Variants in CNTNAP2 observed in about 807,000 individuals in gnomAD.
CNTNAP2 encodes the protein contactin associated protein 2.
CNTNAP2 carries 98 observed loss-of-function variants against 155.2 expected under a neutral mutation model. The observed-to-expected ratio is 0.63, with a 90% CI of 0.54 to 0.75. The LOEUF is 0.75. CNTNAP2 is among the 30% of genes least tolerant of loss of function. The probability of loss-of-function intolerance (pLI) is 0.00; values close to 1 mark genes in which losing one functional copy is unlikely to be tolerated. For missense variants in CNTNAP2, 1,727 were observed against 1,688.1 expected, an observed-to-expected ratio of 1.02 and a Z score of -0.40; for synonymous variants, 651 against 631.2, an observed-to-expected ratio of 1.03 and a Z score of -0.47.
chr7:148,109,113 A>G (rs1295788021), intron 15 of CNTNAP2, among the ~76,000 whole-genome samples: 2 of 152,180 alleles, frequency 1.3e-5, no homozygotes, highest in Non-Finnish European at 2.9e-5. Context: ...AAGCCCTTGC[A>G]CAGGCTGACT....
At chr7:146,344,946 A>G (rs1794797390) in intron 1 of CNTNAP2, among the ~76,000 whole-genome samples, 1 of 152,226 alleles carries the variant, frequency 6.6e-6, no homozygotes, top group Admixed American at 6.5e-5. Context: ...TAAGTTGAGA[A>G]AGAGCTGTTG....
At position 148,064,890 on chromosome 7, in the gene CNTNAP2, G is replaced by A. The variant is rs560029097; in HGVS notation, c.2384-53228G>A. Among the ~76,000 whole-genome samples, 4 of 152,096 alleles carry A rather than the reference G, an allele frequency of 2.6e-5. No individual in the cohort carries two copies. The East Asian group carries it at 7.7e-4, about 29-fold the overall frequency. On this transcript the variant is annotated intron_variant, in intron 15 of 23. Coordinates refer to ENST00000361727, the MANE Select transcript of CNTNAP2 (RefSeq NM_014141.6). ...CTTGAGGTTTTACCTTACATTGTCTGTTTGGGCTCTTTCAGACTTTTTGAT... is the reference window on the plus strand; with the variant it reads ...CTTGAGGTTTTACCTTACATTGTCTATTTGGGCTCTTTCAGACTTTTTGAT...
rs79144204 is a variant in CNTNAP2 at position 146,761,329 on chromosome 7, G to A, written c.98-12942G>A. ...AGGAAGGAAGGAAGGAAGGAAGGAA[G>A]GAAGGAAAATAGGAAAGTGTGTTCC... On this transcript the variant is annotated intron_variant, in intron 1 of 23. Transcript: ENST00000361727. Among the ~76,000 whole-genome samples the A allele has an allele frequency of 1.1e-3, 157 of 140,836 alleles. 1 individual carries two copies. Among genetic ancestry groups the A allele is most frequent in the Non-Finnish European group, 1.5e-3 (96 of 65,144 alleles). 92.4% of individuals were successfully genotyped at this position (140,836 alleles called of 152,430 possible). A position where few individuals can be genotyped will look rare whatever the true frequency, so the allele number is the denominator to read the frequency against.
At position 147,457,724 on chromosome 7, in the gene CNTNAP2, AATTAT is replaced by A. The variant is rs149229158; in HGVS notation, c.1671-28207_1671-28203del. On this transcript the variant is annotated intron_variant, in intron 10 of 23. Transcript: ENST00000361727. ...AAACAGTATTCTACAAAGTTCTTAC[AATTAT>A]ATTTTATTTTGTAATCAAGACAATT... 8.3e-4 allele frequency among the ~76,000 whole-genome samples: 127 copies of A among 152,312 alleles called. 1 individual carries two copies. Among genetic ancestry groups the A allele is most frequent in the Admixed American group, 4.3e-3 (65 of 15,292 alleles).
chr7:147,405,770 A>G (rs1482424470), intron 10 of CNTNAP2, among the ~76,000 whole-genome samples: 2 of 152,212 alleles, frequency 1.3e-5, no homozygotes, highest in African/African-American at 4.8e-5. Context: ...ACATTTGCAG[A>G]GATTCATAAA....
At chr7:146,123,003 T>C (rs1217057222) in intron 1 of CNTNAP2, among the ~76,000 whole-genome samples, 1 of 152,232 alleles carries the variant, frequency 6.6e-6, no homozygotes, top group Non-Finnish European at 1.5e-5. Flanking sequence ...AACTCTTCTT[T>C]AGTTCACTTT....
intron 21 of CNTNAP2, among the ~76,000 whole-genome samples, chr7:148,268,125 T>C (rs777386282): frequency 1.1e-3 from 169 of 152,084 alleles, no homozygotes; most frequent in Non-Finnish European, 2.0e-3. Flanking sequence ...ATCGATATGA[T>C]TGGTGAAGTA....
At chr7:147,412,261 T>A (rs1797115896) in intron 10 of CNTNAP2, among the ~76,000 whole-genome samples, 1 of 152,126 alleles carries the variant, frequency 6.6e-6, no homozygotes, top group African/African-American at 2.4e-5. Context: ...CTCTCCTCCA[T>A]CCCCTCTAGC....
chr7:148,219,723 T>C (rs1795709820), intron 19 of CNTNAP2, among the ~76,000 whole-genome samples: 2 of 152,040 alleles, frequency 1.3e-5, no homozygotes, highest in African/African-American at 4.8e-5. Flanking sequence ...TGGTCCTAGC[T>C]ACTAGAAGGC....
intron 9 of CNTNAP2, among the ~76,000 whole-genome samples, chr7:147,362,487 C>A (rs1228591049): frequency 1.3e-5 from 2 of 152,292 alleles, no homozygotes; most frequent in African/African-American, 4.8e-5. Flanking sequence ...AATGTCACTT[C>A]CACCATGATC....
intron 1 of CNTNAP2, among the ~76,000 whole-genome samples, chr7:146,708,007 G>A (rs994152389): frequency 8.6e-5 from 13 of 152,036 alleles, no homozygotes; most frequent in Admixed American, 5.9e-4. Context: ...TCTGTTACAT[G>A]AGTGATGGGT....
intron 8 of CNTNAP2, among the ~76,000 whole-genome samples, chr7:147,183,453 C>T (rs758984452): frequency 1.2e-4 from 18 of 152,118 alleles, no homozygotes; most frequent in Admixed American, 2.6e-4. Context: ...TACACCATCT[C>T]GTCCAACCAC....
At chr7:147,750,674 T>C (rs1037665853) in intron 13 of CNTNAP2, among the ~76,000 whole-genome samples, 6 of 152,224 alleles carry the variant, frequency 3.9e-5, no homozygotes, top group Non-Finnish European at 8.8e-5. Flanking sequence ...TTTGTTCAAG[T>C]GCCTGCTATC....
chr7:147,822,814 C>T (rs1240743246), intron 13 of CNTNAP2, among the ~76,000 whole-genome samples: 1 of 152,068 alleles, frequency 6.6e-6, no homozygotes, highest in Non-Finnish European at 1.5e-5. Context: ...ATATGGCTGC[C>T]GTTTAAGGTG....
At chr7:147,532,833 A>G (rs1799466887) in intron 11 of CNTNAP2, among the ~76,000 whole-genome samples, 1 of 152,184 alleles carries the variant, frequency 6.6e-6, no homozygotes, top group Non-Finnish European at 1.5e-5. Context: ...ACAAGAATAG[A>G]GTGGGAAAGA....
chr7:146,410,100 T>C (rs1795845296), intron 1 of CNTNAP2, among the ~76,000 whole-genome samples: 1 of 152,230 alleles, frequency 6.6e-6, no homozygotes, highest in East Asian at 1.9e-4. Context: ...CTCTTGTCTC[T>C]ACTCTGGACT....
chr7:146,309,663 G>A (rs369257021), intron 1 of CNTNAP2, among the ~76,000 whole-genome samples: 7 of 151,896 alleles, frequency 4.6e-5, no homozygotes, highest in South Asian at 2.1e-4. Flanking sequence ...TTAATCGGGC[G>A]TGTTGGCGGG....
At chr7:147,798,898 G>A (rs139551874) in intron 13 of CNTNAP2, among the ~76,000 whole-genome samples, 4 of 152,282 alleles carry the variant, frequency 2.6e-5, no homozygotes, top group Admixed American at 6.5e-5. Flanking sequence ...GGTCTCTGAT[G>A]AAGTCTAACC....
chr7:147,267,495 G>T (rs1804639177), intron 8 of CNTNAP2, among the ~76,000 whole-genome samples: 1 of 151,948 alleles, frequency 6.6e-6, no homozygotes, highest in East Asian at 1.9e-4. Context: ...TCTCTCTGAT[G>T]TTCTGTTTCA....
Sources: allele counts gnomAD v4.1 joint callset (sites outside exome capture counted in the v4.1 genomes callset), GRCh38; gene constraint gnomAD v4.1.1; transcripts MANE v1.5; gene names NCBI Gene and HGNC (gene_info 2026-07-23, HGNC 2026-07-21).